The following SAMMSON variants were observed in gnomAD, a reference collection of about 807,000 sequenced individuals.
SAMMSON encodes the protein survival associated mitochondrial melanoma specific oncogenic non-coding RNA.
At chr3:70,001,453 G>A (rs1406963420) in intron 1 of SAMMSON, among the ~76,000 whole-genome samples, 3 of 128,822 alleles carry the variant, frequency 2.3e-5, no homozygotes, top group Non-Finnish European at 5.1e-5. Context: ...TGTTTCTAGT[G>A]TTTTTTTTTT....
At chr3:70,332,313 G>A (rs1702626796) in intron 7 of SAMMSON, among the ~76,000 whole-genome samples, 1 of 152,132 alleles carries the variant, frequency 6.6e-6, no homozygotes, top group Admixed American at 6.5e-5. Flanking sequence ...ATTAGTTCAC[G>A]ATGTTGAAAG....
intron 2 of SAMMSON, among the ~76,000 whole-genome samples, chr3:70,428,680 G>A (rs1701390791): frequency 6.6e-6 from 1 of 152,136 alleles, no homozygotes; most frequent in Non-Finnish European, 1.5e-5. Context: ...TCTAATTAGT[G>A]CAAATTATAA....
intron 4 of SAMMSON, among the ~76,000 whole-genome samples, chr3:70,240,290 GA>G (rs899409180): frequency 2.7e-5 from 4 of 150,384 alleles, no homozygotes; most frequent in Middle Eastern, 3.4e-3. Context: ...TCATCTTGGG[GA>G]AAAAAAACAG....
At chr3:70,244,251 C>T (rs529046632) in intron 4 of SAMMSON, among the ~76,000 whole-genome samples, 3 of 152,212 alleles carry the variant, frequency 2.0e-5, no homozygotes, top group South Asian at 2.1e-4. Flanking sequence ...TAATGTTTAC[C>T]GTGATGAGTA....
intron 4 of SAMMSON, chr3:70,204,807 AGAGTGATTCTG>A (rs1297612390): frequency 1.3e-5 from 2 of 152,112 alleles, no homozygotes; most frequent in African/African-American, 4.8e-5. Context: ...AGGTCAGATC[AGAGTGATTCTG>A]GAGGGAAAGT....
rs938210807 is a variant in SAMMSON at position 70,171,619 on chromosome 3, G to C, written n.508-77488G>C. On this transcript the variant is annotated intron_variant and non_coding_transcript_variant, in intron 4 of 9. Coordinates refer to ENST00000642114, the Ensembl canonical transcript of SAMMSON. ...TAACTTAAAAGGCACAGTCTTTGGGGGGGGGAGCTTGACTCCCAGTTTTTA... is the reference window on the plus strand; with the variant it reads ...TAACTTAAAAGGCACAGTCTTTGGGCGGGGGAGCTTGACTCCCAGTTTTTA... 5.3e-5 allele frequency among the ~76,000 whole-genome samples: 8 copies of C among 151,914 alleles called. No individual in the cohort carries two copies. In the East Asian group the frequency reaches 7.8e-4, roughly 15 times the overall value.
intron 4 of SAMMSON, among the ~76,000 whole-genome samples, chr3:70,200,122 G>A (rs764504297): frequency 2.6e-5 from 4 of 151,976 alleles, no homozygotes; most frequent in Non-Finnish European, 4.4e-5. Context: ...ATTCGTATTC[G>A]AAATCCACAA....
chr3:70,122,045 A>G (rs888046659), intron 4 of SAMMSON, among the ~76,000 whole-genome samples: 1 of 152,136 alleles, frequency 6.6e-6, no homozygotes, highest in Non-Finnish European at 1.5e-5. Flanking sequence ...GCCAAAAATT[A>G]TCCTATTATA....
intron 9 of SAMMSON, among the ~76,000 whole-genome samples, chr3:70,369,271 T>C (rs1702945706): frequency 6.6e-6 from 1 of 151,722 alleles, no homozygotes; most frequent in South Asian, 2.1e-4. Flanking sequence ...TTTGGTGGAA[T>C]CTTTGGGATT....
At chr3:70,432,527 T>G (rs995027953) in intron 2 of SAMMSON, among the ~76,000 whole-genome samples, 13 of 151,952 alleles carry the variant, frequency 8.6e-5, no homozygotes, top group African/African-American at 3.1e-4. Context: ...AAAGAAAAAT[T>G]GAGCAGAAAG....
At chr3:70,061,456 A>T (rs2067190165) in intron 3 of SAMMSON, among the ~76,000 whole-genome samples, 1 of 152,166 alleles carries the variant, frequency 6.6e-6, no homozygotes, top group Admixed American at 6.5e-5. Context: ...GAGAGACTGC[A>T]TATAAAAACC....
chr3:70,223,154 C>G (rs567016294), intron 4 of SAMMSON, among the ~76,000 whole-genome samples: 1 of 152,166 alleles, frequency 6.6e-6, no homozygotes, highest in Non-Finnish European at 1.5e-5. Context: ...CTACTCTTTA[C>G]GTCTATTTGT....
intron 2 of SAMMSON, among the ~76,000 whole-genome samples, chr3:70,397,403 C>T (rs1701101237): frequency 6.6e-6 from 1 of 152,066 alleles, no homozygotes; most frequent in Non-Finnish European, 1.5e-5. Flanking sequence ...CTCCCAGGCC[C>T]AGGTGATCCT....
At chr3:70,225,252 A>G (rs1022168006) in intron 4 of SAMMSON, among the ~76,000 whole-genome samples, 51 of 152,318 alleles carry the variant, frequency 3.3e-4, no homozygotes, top group African/African-American at 1.2e-3. Flanking sequence ...ATGTTTTTCA[A>G]TAAACTTTTC....
intron 7 of SAMMSON, among the ~76,000 whole-genome samples, chr3:70,321,949 T>C (rs577017137): frequency 1.3e-5 from 2 of 152,158 alleles, no homozygotes; most frequent in East Asian, 3.9e-4. Context: ...TATTGAGCTT[T>C]TAGTACATTT....
At chr3:70,090,625 GT>G (rs1002073316) in intron 4 of SAMMSON, among the ~76,000 whole-genome samples, 3 of 151,880 alleles carry the variant, frequency 2.0e-5, no homozygotes, top group Non-Finnish European at 4.4e-5. Context: ...ATATTTCCAA[GT>G]TTTTTTTAAA....
intron 4 of SAMMSON, among the ~76,000 whole-genome samples, chr3:70,237,012 A>C (rs957542135): frequency 1.3e-5 from 2 of 152,222 alleles, no homozygotes; most frequent in African/African-American, 2.4e-5. Context: ...TCAAGGCAAC[A>C]TCTCCACTTC....
At chr3:70,347,815 G>T (rs1224065892) in intron 7 of SAMMSON, among the ~76,000 whole-genome samples, 1 of 152,164 alleles carries the variant, frequency 6.6e-6, no homozygotes, top group Admixed American at 6.5e-5. Flanking sequence ...GGCCAAAATG[G>T]GTGGATCACT....
At chr3:70,356,836 A>C (rs1702833443) in intron 8 of SAMMSON, among the ~76,000 whole-genome samples, 1 of 152,072 alleles carries the variant, frequency 6.6e-6, no homozygotes, top group Non-Finnish European at 1.5e-5. Flanking sequence ...GATAATCATG[A>C]CACCACCCAG....
Sources: gnomAD v4.1 joint callset for allele counts (sites outside exome capture counted in the v4.1 genomes callset) on GRCh38, gnomAD v4.1.1 for gene constraint, MANE v1.5 for transcripts, NCBI Gene and HGNC (gene_info 2026-07-23, HGNC 2026-07-21) for gene names.